CCDC6: variants seen among roughly 807,000 people sequenced by gnomAD.
CCDC6 encodes coiled-coil domain-containing protein 6.
A neutral mutation model predicts 56.6 loss-of-function variants in CCDC6; 20 were observed. That is an observed-to-expected ratio of 0.35 (90% CI 0.25 to 0.51). The LOEUF is 0.51. Ranked by LOEUF, CCDC6 falls within the 20% of genes least tolerant of loss-of-function variation. The pLI, the probability that CCDC6 is intolerant of heterozygous loss-of-function variation, is 0.95. For missense variants in CCDC6, 367 were observed against 601.1 expected, an observed-to-expected ratio of 0.61 and a Z score of 4.07; for synonymous variants, 241 against 234.4, an observed-to-expected ratio of 1.03 and a Z score of -0.26.
intron 2 of CCDC6, among the ~76,000 whole-genome samples, chr10:59,846,038 A>G (rs769332694): frequency 2.6e-5 from 4 of 152,228 alleles, no homozygotes; most frequent in Non-Finnish European, 4.4e-5. Context: ...GAGGGTGAAG[A>G]GGATGCTTCA....
intron 7 of CCDC6, among the ~76,000 whole-genome samples, chr10:59,804,002 T>C (rs1347109491): frequency 1.3e-5 from 2 of 152,130 alleles, no homozygotes; most frequent in East Asian, 1.9e-4. Flanking sequence ...GATGACTACA[T>C]TAATTATTCT....
intron 2 of CCDC6, 126 bp from the exon 3 acceptor site, chr10:59,832,779 A>G: frequency 1.1e-6 from 1 of 926,928 alleles, no homozygotes. Flanking sequence ...TTTTGCTCAA[A>G]TGTGCAAGTA....
At chr10:59,834,376 TACAAACAA>T (rs1008473214) in intron 2 of CCDC6, among the ~76,000 whole-genome samples, 3 of 150,508 alleles carry the variant, frequency 2.0e-5, no homozygotes, top group South Asian at 2.1e-4. Flanking sequence ...CTACTAAAAA[TACAAACAA>T]ACAAACAAAC....
chr10:59,844,502 C>A (rs2070972108), intron 2 of CCDC6, among the ~76,000 whole-genome samples: 1 of 150,478 alleles, frequency 6.6e-6, no homozygotes, highest in Non-Finnish European at 1.5e-5. Context: ...TGTAATCCAG[C>A]ACTTTGGGAG....
intron 1 of CCDC6, among the ~76,000 whole-genome samples, chr10:59,858,368 C>T (rs1380497074): frequency 1.3e-5 from 2 of 152,118 alleles, no homozygotes; most frequent in Admixed American, 1.3e-4. Flanking sequence ...CCAGTATTGC[C>T]AGCAAGTCAC....
In CCDC6 at chr10:59,802,216, C is replaced by T. The variant is rs528457751; in HGVS notation, c.1105+2204G>A. Among the ~76,000 whole-genome samples, 4 of 152,154 alleles carry T rather than the reference C, an allele frequency of 2.6e-5. No homozygotes were observed. The East Asian group carries it at 7.7e-4, about 29-fold the overall frequency. On this transcript the variant is annotated intron_variant, in intron 7 of 8. Transcript: ENST00000263102. ...GATGATGCTCTTTCTTAGTTTTAGG[C>T]TATGTATTTTTCAAGTACATTTTCA...
At chr10:59,879,384 CAAAT>C (rs986186924) in intron 1 of CCDC6, among the ~76,000 whole-genome samples, 2 of 152,038 alleles carry the variant, frequency 1.3e-5, no homozygotes, top group African/African-American at 4.8e-5. Context: ...TCTTGAGAAA[CAAAT>C]AAGTATCCAG....
At position 59,906,108 on chromosome 10, in the gene CCDC6, C is replaced by CG. The variant is rs758958979; in HGVS notation, c.303+13dup. The CG allele has an allele frequency of 7.7e-6, 12 of 1,568,410 alleles. No individual in the cohort carries two copies. Among genetic ancestry groups the CG allele is most frequent in the East Asian group, 2.4e-5 (1 of 42,456 alleles). The stretch of plus-strand genomic sequence containing the variant: ...GGAGGTCGGCGCTGCGGCGCGTCCC[C>CG]GGGGGGCACTCACGATGGTCACGCT... On this transcript the variant is annotated intron_variant, in intron 1 of 8. Transcript: ENST00000263102.
At chr10:59,836,045 C>A (rs538183431) in intron 2 of CCDC6, among the ~76,000 whole-genome samples, 84 of 132,920 alleles carry the variant, frequency 6.3e-4, no homozygotes, top group African/African-American at 2.4e-3. Flanking sequence ...CAGACTGCGA[C>A]CCTGTCTAAA....
chr10:59,891,724 G>A (rs2071423570), intron 1 of CCDC6, among the ~76,000 whole-genome samples: 1 of 152,140 alleles, frequency 6.6e-6, no homozygotes, highest in South Asian at 2.1e-4. Flanking sequence ...CAACTCTGAT[G>A]GATAGACAAC....
intron 2 of CCDC6, among the ~76,000 whole-genome samples, chr10:59,848,673 T>G (rs1244390025): frequency 6.6e-6 from 1 of 152,222 alleles, no homozygotes; most frequent in Non-Finnish European, 1.5e-5. Context: ...AAGACACAGT[T>G]TCTAAGAACT....
In CCDC6 at chr10:59,790,175, G is replaced by C; in HGVS notation, c.*2742C>G. ...TAAGTTAATTTGGTTTTGTATAAAAGGCATGGTAATCTGGCAACAGAGTAC... is the reference window on the plus strand; with the variant it reads ...TAAGTTAATTTGGTTTTGTATAAAACGCATGGTAATCTGGCAACAGAGTAC... On this transcript the variant is annotated 3_prime_UTR_variant, in exon 9 of 9. Transcript: ENST00000263102. The C allele has an allele frequency of 4.6e-6, 1 of 216,558 alleles. No homozygotes were observed. The highest frequency in any genetic ancestry group is 6.8e-5 in the East Asian group (1 of 14,614). The allele number at this position is 216,558 out of a possible 1,614,324, so 13.4% of individuals were successfully genotyped here.
intron 1 of CCDC6, among the ~76,000 whole-genome samples, chr10:59,857,713 T>C (rs1262755882): frequency 6.6e-6 from 1 of 152,174 alleles, no homozygotes; most frequent in Non-Finnish European, 1.5e-5. Context: ...AGTTAGTTGA[T>C]GACTTGTTTT....
chr10:59,794,676 G>T, intron 7 of CCDC6, 79 bp from the exon 8 acceptor site: 2 of 1,269,042 alleles, frequency 1.6e-6, no homozygotes, highest in Non-Finnish European at 2.2e-6. Flanking sequence ...GTTTTAAATC[G>T]CAGTAGTTCT....
At chr10:59,830,809 T>TCCC (rs988522275) in intron 3 of CCDC6, among the ~76,000 whole-genome samples, 1 of 152,096 alleles carries the variant, frequency 6.6e-6, no homozygotes, top group Admixed American at 6.5e-5. Context: ...GGCCACTACC[T>TCCC]CCCCCTTGTG....
chr10:59,807,205 T>C, intron 5 of CCDC6, 127 bp from the exon 6 acceptor site: 1 of 818,396 alleles, frequency 1.2e-6, no homozygotes, highest in Non-Finnish European at 1.9e-6. Context: ...GTCTTTCTGG[T>C]CGGGTATGGT....
intron 2 of CCDC6, among the ~76,000 whole-genome samples, chr10:59,844,917 C>G (rs893960649): frequency 7.9e-5 from 12 of 152,140 alleles, no homozygotes; most frequent in Non-Finnish European, 1.8e-4. Flanking sequence ...AAGGTCTCAT[C>G]TTTCTTACCA....
chr10:59,849,212 G>A (rs926016600), intron 2 of CCDC6, among the ~76,000 whole-genome samples: 1 of 152,142 alleles, frequency 6.6e-6, no homozygotes, highest in Non-Finnish European at 1.5e-5. Flanking sequence ...GAATCCCATG[G>A]CCTGGGCTCA....
intron 7 of CCDC6, among the ~76,000 whole-genome samples, chr10:59,796,725 T>C (rs945403261): frequency 6.6e-6 from 1 of 152,102 alleles, no homozygotes; most frequent in African/African-American, 2.4e-5. Flanking sequence ...CCCAGCACTT[T>C]GGGAGGCTGA....
Sources: gnomAD v4.1 joint callset for allele counts (sites outside exome capture counted in the v4.1 genomes callset) on GRCh38, gnomAD v4.1.1 for gene constraint, MANE v1.5 for transcripts, NCBI Gene and HGNC (gene_info 2026-07-23, HGNC 2026-07-21) for gene names.